The following BBS9 variants were observed in gnomAD, a reference collection of about 807,000 sequenced individuals.
BBS9 encodes protein PTHB1.
In BBS9, 89 loss-of-function variants were observed where a neutral mutation model predicts 117.7. The observed-to-expected ratio is 0.76, with a 90% CI of 0.64 to 0.90. BBS9 has a LOEUF of 0.90. Ranked by LOEUF, BBS9 falls within the 40% of genes least tolerant of loss-of-function variation. The pLI, the probability that BBS9 is intolerant of heterozygous loss-of-function variation, is 0.00. For missense variants in BBS9, 982 were observed against 1,042.2 expected (o/e 0.94, Z 0.80); for synonymous variants, 379 against 370.9 (o/e 1.02, Z -0.25).
At chr7:33,596,641 T>C (rs549873281) in intron 21 of BBS9, among the ~76,000 whole-genome samples, 2 of 152,202 alleles carry the variant, frequency 1.3e-5, no homozygotes, top group Non-Finnish European at 2.9e-5. Flanking sequence ...TCTTCCTCGC[T>C]ATACCTCCTA....
In BBS9 at chr7:33,410,010, C is replaced by T. The variant is rs554480595; in HGVS notation, c.2115+21866C>T. 2.6e-5 allele frequency among the ~76,000 whole-genome samples: 4 copies of T among 152,058 alleles called. No individual in the cohort carries two copies. The South Asian group carries it at 8.3e-4, about 32-fold the overall frequency. On this transcript the variant is annotated intron_variant, in intron 19 of 22. Transcript: ENST00000242067. ...AACCTTAGGAGTGCTATGATTAAAC[C>T]TCTGTTGTGAAATTTACTTATATTA...
chr7:33,534,293 A>G, intron 21 of BBS9, 117 bp downstream of exon 21: 6 of 1,130,876 alleles, frequency 5.3e-6, no homozygotes, highest in Non-Finnish European at 6.5e-6. Flanking sequence ...AGCCAAGAAA[A>G]TTGATTTCAC....
intron 21 of BBS9, among the ~76,000 whole-genome samples, chr7:33,635,031 C>T (rs1026925562): frequency 6.6e-6 from 1 of 152,158 alleles, no homozygotes; most frequent in African/African-American, 2.4e-5. Context: ...ACCATCGGTA[C>T]CCAGTGTCCT....
At chr7:33,485,458 C>T (rs953608242) in intron 19 of BBS9, among the ~76,000 whole-genome samples, 18 of 151,798 alleles carry the variant, frequency 1.2e-4, no homozygotes, top group African/African-American at 2.9e-4. Context: ...TACAGGCGCC[C>T]GCCACCACGC....
At chr7:33,525,963 G>C (rs1164649231) in intron 20 of BBS9, among the ~76,000 whole-genome samples, 5 of 151,632 alleles carry the variant, frequency 3.3e-5, no homozygotes, top group Non-Finnish European at 1.5e-5. Flanking sequence ...AAATCTCTCA[G>C]CATTTGCTTG....
intron 21 of BBS9, among the ~76,000 whole-genome samples, chr7:33,538,519 A>G (rs944393589): frequency 3.9e-5 from 6 of 151,972 alleles, no homozygotes; most frequent in African/African-American, 1.2e-4. Flanking sequence ...AGGATTTGAT[A>G]TTATTTTGAA....
intron 19 of BBS9, among the ~76,000 whole-genome samples, chr7:33,435,471 G>A (rs1243663804): frequency 2.0e-5 from 3 of 152,162 alleles, no homozygotes; most frequent in South Asian, 2.1e-4. Context: ...ATAAAAGTGT[G>A]TTAATTTCTT....
chr7:33,477,808 T>C (rs1423464407), intron 19 of BBS9, among the ~76,000 whole-genome samples: 1 of 152,200 alleles, frequency 6.6e-6, no homozygotes, highest in African/African-American at 2.4e-5. Context: ...GGTTAACTAA[T>C]TCATTAAAAT....
At chr7:33,532,101 G>T (rs190617508) in intron 20 of BBS9, among the ~76,000 whole-genome samples, 76 of 152,370 alleles carry the variant, frequency 5.0e-4, no homozygotes, top group Non-Finnish European at 9.1e-4. Flanking sequence ...ATGCATCTGG[G>T]TGTGTGAAGT....
chr7:33,384,541 A>G (rs778728665), intron 18 of BBS9, among the ~76,000 whole-genome samples: 4 of 152,142 alleles, frequency 2.6e-5, no homozygotes, highest in Non-Finnish European at 4.4e-5. Flanking sequence ...GTTTTTTTAA[A>G]AGTCCCATGT....
At chr7:33,486,501 G>C (rs1843131685) in intron 19 of BBS9, among the ~76,000 whole-genome samples, 1 of 152,160 alleles carries the variant, frequency 6.6e-6, no homozygotes, top group Non-Finnish European at 1.5e-5. Context: ...ATCCTGTTAA[G>C]AATTACTCTT....
At chr7:33,271,249 A>G (rs755040694) in intron 7 of BBS9, among the ~76,000 whole-genome samples, 25 of 152,226 alleles carry the variant, frequency 1.6e-4, no homozygotes, top group Non-Finnish European at 3.2e-4. Flanking sequence ...ACTAACCAAT[A>G]CAAAAAACAC....
chr7:33,505,797 A>G (rs538521924), intron 20 of BBS9, 152 bp downstream of exon 20: 1 of 837,586 alleles, frequency 1.2e-6, no homozygotes, highest in South Asian at 1.7e-5. Context: ...AAACCATAAT[A>G]AAAATGTCAA....
intron 15 of BBS9, among the ~76,000 whole-genome samples, chr7:33,354,806 TTCTC>T (rs1268653991): frequency 1.3e-5 from 2 of 152,058 alleles, no homozygotes; most frequent in African/African-American, 4.8e-5. Flanking sequence ...GATGAGAATA[TTCTC>T]TCTGAGTGTT....
intron 21 of BBS9, among the ~76,000 whole-genome samples, chr7:33,593,889 C>CT (rs1244774031): frequency 6.6e-6 from 1 of 152,106 alleles, no homozygotes. Flanking sequence ...TCTTTTTCTG[C>CT]TTAGTACATT....
chr7:33,272,978 A>G, intron 7 of BBS9, 34 bp from the exon 8 acceptor site: 1 of 1,604,520 alleles, frequency 6.2e-7, no homozygotes, highest in Non-Finnish European at 8.5e-7. Context: ...TTCTGAGGTT[A>G]GCAACTAAAT....
chr7:33,402,900 C>A (rs1464894839), intron 19 of BBS9, among the ~76,000 whole-genome samples: 1 of 151,916 alleles, frequency 6.6e-6, no homozygotes, highest in Non-Finnish European at 1.5e-5. Flanking sequence ...ACTTTATGTC[C>A]ATATGTACCC....
chr7:33,223,038 T>C (rs1790556114), intron 5 of BBS9, among the ~76,000 whole-genome samples: 1 of 151,886 alleles, frequency 6.6e-6, no homozygotes, highest in Admixed American at 6.6e-5. Flanking sequence ...GTTCTGGCCC[T>C]GCTAAGCCCC....
intron 21 of BBS9, among the ~76,000 whole-genome samples, chr7:33,592,524 T>C (rs1021686638): frequency 1.3e-5 from 2 of 152,074 alleles, no homozygotes; most frequent in African/African-American, 4.8e-5. Flanking sequence ...TATCGCTAGA[T>C]AGTAGAGTTG....
Sources: allele counts gnomAD v4.1 joint callset (sites outside exome capture counted in the v4.1 genomes callset), GRCh38; gene constraint gnomAD v4.1.1; transcripts MANE v1.5; gene names NCBI Gene and HGNC (gene_info 2026-07-23, HGNC 2026-07-21).